The following DYNC2H1 variants were observed in gnomAD, a reference collection of about 807,000 sequenced individuals.
DYNC2H1 encodes the protein dynein cytoplasmic 2 heavy chain 1, also known as cytoplasmic dynein 2 heavy chain 1.
Under a neutral mutation model 570.0 loss-of-function variants are expected in DYNC2H1, and 410 were observed. That is an observed-to-expected ratio of 0.72 (90% CI 0.66 to 0.78). The LOEUF (loss-of-function observed/expected upper bound fraction) is 0.78. Ranked by LOEUF, DYNC2H1 falls within the 30% of genes least tolerant of loss-of-function variation. The probability of loss-of-function intolerance (pLI) is 0.00; values close to 1 mark genes in which losing one functional copy is unlikely to be tolerated. For synonymous variants in DYNC2H1, 1,688 were observed against 1,677.6 expected (o/e 1.01, Z -0.15); for missense variants, 4,865 against 5,046.4 (o/e 0.96, Z 1.09).
rs780915482 is a variant in DYNC2H1 at position 103,369,164 on chromosome 11, G to C, written c.12156+10805G>C. Among the ~76,000 whole-genome samples, 1 of 152,152 alleles carries C rather than the reference G, an allele frequency of 6.6e-6. No homozygotes were observed. Among genetic ancestry groups the C allele is most frequent in the Non-Finnish European group, 1.5e-5 (1 of 68,030 alleles). On this transcript the variant is annotated intron_variant, in intron 83 of 88. Transcript: ENST00000375735. The surrounding 1 kb of genome is among the most constrained non-coding windows in gnomAD (Gnocchi z 4.0). ...ATGGAGAGCGTTTTGGTGCACTGGG[G>C]AGAGGGAGATTGCAGCATTTGTGAG...
chr11:103,212,404 G>A (rs1433924632), intron 54 of DYNC2H1, among the ~76,000 whole-genome samples: 2 of 151,588 alleles, frequency 1.3e-5, no homozygotes, highest in Non-Finnish European at 2.9e-5. Context: ...AAGAACTTAT[G>A]TAAGCAAATA....
chr11:103,338,143 A>G (rs1032013053), intron 82 of DYNC2H1, among the ~76,000 whole-genome samples: 2 of 150,670 alleles, frequency 1.3e-5, no homozygotes, highest in Admixed American at 6.7e-5. Flanking sequence ...TCTTTCCTCA[A>G]TGTTTGTTCT....
chr11:103,125,224 A>T lies in DYNC2H1; in HGVS notation c.1786A>T (p.Ile596Phe). 6.2e-7 allele frequency: 1 copy of T among 1,613,438 alleles called. No individual in the cohort carries two copies. Among genetic ancestry groups the T allele is most frequent in the Non-Finnish European group, 8.5e-7 (1 of 1,179,650 alleles). Residue 596 changes from isoleucine (I) to phenylalanine (F), a missense_variant, in exon 12 of 89, where the codon ATT (isoleucine) becomes TTT (phenylalanine). Ile to Phe is a conservative substitution (Grantham distance 21). This residue lies in a region of DYNC2H1 where 1,936 missense variants were observed against 1,962.1 expected (regional missense o/e 0.99). Transcript: ENST00000375735. ...VRQLSALGFV[I>F]PAKIQQVANI... ...TCAGCTCTCTGCACTTGGCTTTGTT[A>T]TTCCTGCCAAAATACAGCAAGTTGC...
chr11:103,389,347 A>G (rs1258039005), intron 83 of DYNC2H1, among the ~76,000 whole-genome samples: 14 of 151,742 alleles, frequency 9.2e-5, no homozygotes, highest in Non-Finnish European at 1.6e-4. Context: ...CGGTGGTGAT[A>G]CCCCCTTTAA....
Position 103,255,441 on chromosome 11 carries a change from G to A in DYNC2H1, c.10233G>A (p.Glu3411=), listed in dbSNP as rs748362374. The A allele has an allele frequency of 6.4e-7, 1 of 1,566,814 alleles. No individual in the cohort carries two copies. The highest frequency in any genetic ancestry group is 1.9e-5 in the Admixed American group (1 of 52,970). ...GQLLALTIQH[E]KPDLEEQKTK... The stretch of plus-strand genomic sequence containing the variant: ...TTTTAGCTTTAACCATTCAGCATGA[G>A]AAACCTGATTTAGAAGAACAGAAAA... Residue 3411 remains glutamate, a synonymous_variant, in exon 67 of 89, where the codon GAG becomes GAA. Coordinates refer to ENST00000375735, the MANE Select transcript of DYNC2H1 (RefSeq NM_001377.3).
In DYNC2H1 at chr11:103,135,540, C is replaced by T. The variant is rs764401051; in HGVS notation, c.2251C>T (p.His751Tyr). Reference protein sequence around the residue: ...DMHAWKQHWNHQLYKALEHQY... With the variant: ...DMHAWKQHWNYQLYKALEHQY... ...GCATGCATGGAAACAACACTGGAAT[C>T]ATCAACTGTACAAAGCTCTGGAGCA... The change falls in exon 16 of 89, where the codon CAT becomes TAT. Residue 751 changes from histidine (H) to tyrosine (Y), a missense_variant. Physicochemically the swap from His to Tyr is moderately conservative, Grantham distance 83 (BLOSUM62 2). Around this residue, in one of 5 missense-constraint regions of DYNC2H1, gnomAD observed 1,936 missense variants for 1,962.1 expected, o/e 0.99. Transcript: ENST00000375735. 2.5e-6 allele frequency: 4 copies of T among 1,605,822 alleles called. No individual in the cohort carries two copies. Among genetic ancestry groups the T allele is most frequent in the Non-Finnish European group, 3.4e-6 (4 of 1,177,022 alleles).
intron 78 of DYNC2H1, among the ~76,000 whole-genome samples, chr11:103,309,027 T>G (rs2135409025): frequency 6.6e-6 from 1 of 152,194 alleles, no homozygotes; most frequent in Non-Finnish European, 1.5e-5. Flanking sequence ...ATCTCTCTAA[T>G]ATGTAATGCT....
At chr11:103,449,465 TTAAC>T (rs111371065) in intron 85 of DYNC2H1, among the ~76,000 whole-genome samples, 1,622 of 152,316 alleles carry the variant, frequency 0.011, 20 homozygotes, top group African/African-American at 0.037. Context: ...TTAATTGTAT[TTAAC>T]TATTCATGGA....
chr11:103,145,307 G>T lies in DYNC2H1; in HGVS notation c.2702+1912G>T, dbSNP rs1193883345. On this transcript the variant is annotated intron_variant, in intron 18 of 88. Coordinates refer to ENST00000375735, the MANE Select transcript of DYNC2H1 (RefSeq NM_001377.3). The surrounding 1 kb of genome is among the most constrained non-coding windows in gnomAD (Gnocchi z 4.2). ...ATAGGAAGAGACAAATGACTTGAGG[G>T]TTTGAGCGTGGGTGATTTGGATACT... Among the ~76,000 whole-genome samples the T allele has an allele frequency of 6.6e-6, 1 of 152,130 alleles. No individual in the cohort carries two copies. Among genetic ancestry groups the T allele is most frequent in the African/African-American group, 2.4e-5 (1 of 41,434 alleles).
At chr11:103,136,989 T>C (rs1417456827) in intron 17 of DYNC2H1, among the ~76,000 whole-genome samples, 2 of 151,504 alleles carry the variant, frequency 1.3e-5, no homozygotes, top group African/African-American at 4.8e-5. Context: ...ATGGTGAGCA[T>C]TTTTTCATGT....
intron 47 of DYNC2H1, among the ~76,000 whole-genome samples, chr11:103,195,291 GT>G (rs1365420371): frequency 6.6e-6 from 1 of 152,118 alleles, no homozygotes; most frequent in Non-Finnish European, 1.5e-5. Flanking sequence ...AAAGTTTATA[GT>G]TTTATGTTTT....
rs547370942 is a variant in DYNC2H1 at position 103,386,714 on chromosome 11, T to C, written c.12157-12949T>C. 3.9e-5 allele frequency among the ~76,000 whole-genome samples: 6 copies of C among 152,240 alleles called. No homozygotes were observed. In the East Asian group the frequency reaches 7.7e-4, roughly 20 times the overall value. On this transcript the variant is annotated intron_variant, in intron 83 of 88. Transcript: ENST00000375735. ...CCCTTCCTGTGTACATGTGTTCTCA[T>C]TGTTCAATTCCCACCTATGAGTGAG...
intron 88 of DYNC2H1, 43 bp downstream of exon 88, chr11:103,468,748 C>G (rs544877057): frequency 4.3e-6 from 6 of 1,409,424 alleles, no homozygotes; most frequent in East Asian, 2.3e-5. Flanking sequence ...TATATCAGTT[C>G]TCTCTTAGAT....
chr11:103,139,010 T>C (rs1859739732), intron 17 of DYNC2H1, among the ~76,000 whole-genome samples: 3 of 151,440 alleles, frequency 2.0e-5, no homozygotes, highest in African/African-American at 4.8e-5. Flanking sequence ...TAGAGGTGTT[T>C]GTAGTATTCT....
At chr11:103,332,994 C>G (rs937702453) in intron 82 of DYNC2H1, among the ~76,000 whole-genome samples, 1 of 134,498 alleles carries the variant, frequency 7.4e-6, no homozygotes, top group Non-Finnish European at 1.6e-5. Context: ...CAGAGCAAGA[C>G]TCCAACTCAA....
chr11:103,194,714 A>T (rs1461525134), intron 47 of DYNC2H1, among the ~76,000 whole-genome samples: 3 of 151,694 alleles, frequency 2.0e-5, no homozygotes, highest in Non-Finnish European at 4.4e-5. Flanking sequence ...CATTTTTCCA[A>T]TCAAATTTTT....
In DYNC2H1 at chr11:103,243,819, A is replaced by G; in HGVS notation, c.9918+28A>G. On this transcript the variant is annotated intron_variant, in intron 64 of 88. Transcript: ENST00000375735. The surrounding 1 kb of genome is among the most constrained non-coding windows in gnomAD (Gnocchi z 4.8). ...ATGTATTATTTATAATTTACATACC[A>G]ATTAGGAATGACCTCTTATAGTGAA... The G allele has an allele frequency of 6.7e-7, 1 of 1,489,454 alleles. No homozygotes were observed. Among genetic ancestry groups the G allele is most frequent in the South Asian group, 1.2e-5 (1 of 80,440 alleles). The allele number at this position is 1,489,454 out of a possible 1,614,324, so 92.3% of individuals were successfully genotyped here.
In DYNC2H1 at chr11:103,143,080, T is replaced by A. The variant is rs147885636; in HGVS notation, c.2575-188T>A. On this transcript the variant is annotated intron_variant, in intron 17 of 88. Transcript: ENST00000375735. ...TTTAAAAGTTTATGATCACTGCATT[T>A]GCATATTAAATCTCTTTTTTCTGTT... Among the ~76,000 whole-genome samples the A allele has an allele frequency of 4.7e-4, 72 of 152,342 alleles. No individual in the cohort carries two copies. In the East Asian group the frequency reaches 0.013, roughly 29 times the overall value.
chr11:103,356,479 T>C (rs1170637641), intron 82 of DYNC2H1, among the ~76,000 whole-genome samples: 1 of 151,512 alleles, frequency 6.6e-6, no homozygotes, highest in Non-Finnish European at 1.5e-5. Context: ...ACAAAAAAAT[T>C]TGCACTCTTT....
Sources: allele counts gnomAD v4.1 joint callset (sites outside exome capture counted in the v4.1 genomes callset), GRCh38; gene constraint gnomAD v4.1.1; regional missense constraint gnomAD v4.1.1; non-coding constraint Gnocchi (gnomAD v3.1); transcripts MANE v1.5; gene names NCBI Gene and HGNC (gene_info 2026-07-23, HGNC 2026-07-21).